DOCK7: variants seen among roughly 807,000 people sequenced by gnomAD.
The protein encoded by DOCK7 is dedicator of cytokinesis 7.
In DOCK7, 138 loss-of-function variants were observed where a neutral mutation model predicts 271.0. That is an observed-to-expected ratio of 0.51 (90% CI 0.44 to 0.59). The LOEUF (loss-of-function observed/expected upper bound fraction) is 0.59, where lower values mean the gene tolerates loss of function less well. Ranked by LOEUF, DOCK7 falls within the 20% of genes least tolerant of loss-of-function variation. DOCK7 has a pLI of 0.00. For synonymous variants in DOCK7, 823 were observed against 876.1 expected (o/e 0.94, Z 1.07); for missense variants, 2,066 against 2,592.4 (o/e 0.80, Z 4.41).
chr1:62,511,858 T>C (rs1304537224), intron 33 of DOCK7, among the ~76,000 whole-genome samples: 1 of 152,060 alleles, frequency 6.6e-6, no homozygotes, highest in Non-Finnish European at 1.5e-5. Flanking sequence ...CAATAGTTAA[T>C]AATGTCTTAG....
At chr1:62,472,957 G>A (rs943740910) in intron 48 of DOCK7, among the ~76,000 whole-genome samples, 5 of 152,162 alleles carry the variant, frequency 3.3e-5, no homozygotes, top group African/African-American at 1.2e-4. Flanking sequence ...TGACTTGACT[G>A]GCAGAGGACC....
intron 18 of DOCK7, among the ~76,000 whole-genome samples, chr1:62,562,744 T>C (rs1200016382): frequency 6.6e-6 from 1 of 152,080 alleles, no homozygotes; most frequent in Non-Finnish European, 1.5e-5. Context: ...GGTTTTACTT[T>C]TGCCTCACAT....
intron 2 of DOCK7, among the ~76,000 whole-genome samples, chr1:62,656,880 A>G (rs907049959): frequency 1.3e-5 from 2 of 152,180 alleles, no homozygotes; most frequent in African/African-American, 2.4e-5. Context: ...CATTTAGACT[A>G]TAACTGCACA....
At chr1:62,481,454 T>C (rs1392664272) in intron 43 of DOCK7, 3 of 152,200 alleles carry the variant, frequency 2.0e-5, no homozygotes, top group Non-Finnish European at 4.4e-5. Context: ...CACAGTCATA[T>C]TGCTTCGCCT....
chr1:62,605,741 T>C (rs771277525), intron 14 of DOCK7: 1 of 152,366 alleles, frequency 6.6e-6, no homozygotes, highest in Non-Finnish European at 1.5e-5. Flanking sequence ...CTGACAAGCA[T>C]GTATATATGT....
rs1557624041 is a variant in DOCK7, at chr1:62,494,665, G to GT, written c.5025-199_5025-198insA. On this transcript the variant is annotated intron_variant, in intron 39 of 49. Transcript: ENST00000635253. ...TATGGAATGGATAATATCAGTTGGTGGGGGGGGCAGGAGGGGCAAAAAAGA... is the reference window on the plus strand; with the variant it reads ...TATGGAATGGATAATATCAGTTGGTGTGGGGGGGCAGGAGGGGCAAAAAAGA... 3 of 308,730 alleles carry GT rather than the reference G, an allele frequency of 9.7e-6. 1 individual carries two copies. In the African/African-American group the frequency reaches 1.2e-4, roughly 12 times the overall value. 19.1% of individuals were successfully genotyped at this position (308,730 alleles called of 1,614,324 possible). A position where few individuals can be genotyped will look rare whatever the true frequency, so the allele number is the denominator to read the frequency against.
chr1:62,533,856 G>A (rs192770693), intron 29 of DOCK7, among the ~76,000 whole-genome samples: 27 of 151,876 alleles, frequency 1.8e-4, no homozygotes, highest in Non-Finnish European at 3.1e-4. Flanking sequence ...ATCTCTTTTC[G>A]TTCTTGCATG....
intron 9 of DOCK7, chr1:62,634,304 A>G (rs1383274961): frequency 6.6e-6 from 1 of 152,114 alleles, no homozygotes; most frequent in Non-Finnish European, 1.5e-5. Flanking sequence ...AAAAGATTTG[A>G]TATCATTAAG....
chr1:62,609,760 C>A (rs1651513409), intron 14 of DOCK7, among the ~76,000 whole-genome samples: 1 of 152,148 alleles, frequency 6.6e-6, no homozygotes, highest in South Asian at 2.1e-4. Context: ...ACTCCATCAC[C>A]TTCAGATGCA....
At chr1:62,480,266 C>A (rs1239478656) in intron 43 of DOCK7, among the ~76,000 whole-genome samples, 2 of 152,130 alleles carry the variant, frequency 1.3e-5, no homozygotes, top group Non-Finnish European at 2.9e-5. Context: ...CACCTTCAAT[C>A]TGAACACTGA....
chr1:62,587,299 T>TAAAAAAAAAAAAAAA, intron 14 of DOCK7, among the ~76,000 whole-genome samples: 2 of 41,818 alleles, frequency 4.8e-5, no homozygotes, highest in African/African-American at 7.2e-5. Context: ...ACCAAATAGC[T>TAAAAAAAAAAAAAAA]AAAAAAAAAA....
Position 62,648,263 on chromosome 1 carries a change from G to T in DOCK7, c.575C>A (p.Ala192Asp). 1.2e-6 allele frequency: 2 copies of T among 1,613,476 alleles called. No homozygotes were observed. The highest frequency in any genetic ancestry group is 1.7e-6 in the Non-Finnish European group (2 of 1,179,676). The change falls in exon 6 of 50, where the codon GCC becomes GAC. Residue 192 changes from alanine (A) to aspartate (D), a missense_variant. Ala to Asp is a moderately radical substitution (Grantham distance 126). Transcript: ENST00000635253. ...SIDDTPRGSWACSIFDLKNSL... is the reference protein window; with the variant it reads ...SIDDTPRGSWDCSIFDLKNSL... Reference sequence around the variant, plus strand: ...ATTTTTCAAGTCAAAGATACTACAGGCCCAGCTACCCCTTGGGGTATCATC... The same window carrying T: ...ATTTTTCAAGTCAAAGATACTACAGTCCCAGCTACCCCTTGGGGTATCATC...
At chr1:62,588,067 T>C (rs1169927661) in intron 14 of DOCK7, among the ~76,000 whole-genome samples, 2 of 152,094 alleles carry the variant, frequency 1.3e-5, no homozygotes, top group East Asian at 3.8e-4. Flanking sequence ...TCAGTTGTGC[T>C]CAAAATAGTC....
chr1:62,484,991 T>C (rs1222357894), intron 43 of DOCK7: 2 of 251,628 alleles, frequency 7.9e-6, no homozygotes, highest in African/African-American at 2.3e-5. Context: ...ATACAAAAAA[T>C]TAGCTGGTGG....
chr1:62,485,100 C>A, intron 43 of DOCK7: 1 of 958,982 alleles, frequency 1.0e-6, no homozygotes, highest in Non-Finnish European at 1.2e-6. Flanking sequence ...CGTGCCACTG[C>A]ACTCCAGTCT....
At chr1:62,533,905 CA>C (rs930859481) in intron 29 of DOCK7, among the ~76,000 whole-genome samples, 60 of 149,140 alleles carry the variant, frequency 4.0e-4, no homozygotes, top group African/African-American at 4.7e-4. Context: ...ATTCCTACTA[CA>C]AAAAAAAAAT....
chr1:62,463,812 C>T (rs187943565), intron 48 of DOCK7, among the ~76,000 whole-genome samples: 272 of 152,154 alleles, frequency 1.8e-3, no homozygotes, highest in Admixed American at 3.1e-3. Flanking sequence ...CTGGTTACCC[C>T]TGAAGGAATG....
intron 39 of DOCK7, 188 bp from the exon 40 acceptor site, chr1:62,494,655 A>C: frequency 1.2e-4 from 38 of 310,258 alleles, no homozygotes; most frequent in Middle Eastern, 1.8e-3. Context: ...AATGGATAAT[A>C]TCAGTTGGTG....
At chr1:62,536,184 A>G (rs1034715820) in intron 28 of DOCK7, among the ~76,000 whole-genome samples, 11 of 152,160 alleles carry the variant, frequency 7.2e-5, no homozygotes, top group Admixed American at 2.6e-4. Flanking sequence ...TTCAGGACTC[A>G]TGTGGGGTTT....
Sources: gnomAD v4.1 joint callset for allele counts (sites outside exome capture counted in the v4.1 genomes callset) on GRCh38, gnomAD v4.1.1 for gene constraint, MANE v1.5 for transcripts, NCBI Gene and HGNC (gene_info 2026-07-23, HGNC 2026-07-21) for gene names.